The following ZC2HC1B variants were observed in gnomAD, a reference collection of about 807,000 sequenced individuals.
ZC2HC1B encodes the protein zinc finger C2HC-type containing 1B.
A neutral mutation model predicts 31.0 loss-of-function variants in ZC2HC1B; 36 were observed. The observed-to-expected ratio is 1.16, with a 90% CI of 0.89 to 1.54. The LOEUF is 1.54. ZC2HC1B is among the 40% of genes most tolerant of loss of function. The pLI is 0.00. For synonymous variants in ZC2HC1B, 73 were observed against 88.0 expected, an observed-to-expected ratio of 0.83 and a Z score of 0.95; for missense variants, 260 against 268.6, an observed-to-expected ratio of 0.97 and a Z score of 0.22.
At chr6:143,878,008 T>G (rs1179162418) in intron 1 of ZC2HC1B, among the ~76,000 whole-genome samples, 1 of 150,850 alleles carries the variant, frequency 6.6e-6, no homozygotes, top group Non-Finnish European at 1.5e-5. Flanking sequence ...TACATGTATA[T>G]GTAGACATGC....
chr6:143,866,194 CGTG>C (rs942145443), intron 1 of ZC2HC1B, among the ~76,000 whole-genome samples: 3 of 152,340 alleles, frequency 2.0e-5, no homozygotes, highest in South Asian at 2.1e-4. Context: ...CTCCTTGACT[CGTG>C]GTGGGATTAT....
In ZC2HC1B at chr6:143,907,844, C is replaced by A. The variant is rs1045738941; in HGVS notation, c.598+4692C>A. ...GCTTTTGGTGTCTTCATCATGAAATCTTTGCCCATGCCTATGTTCTGAATG... is the reference window on the plus strand; with the variant it reads ...GCTTTTGGTGTCTTCATCATGAAATATTTGCCCATGCCTATGTTCTGAATG... On this transcript the variant is annotated intron_variant, in intron 6 of 7. Transcript: ENST00000237275. Among the ~76,000 whole-genome samples, 3 of 152,300 alleles carry A rather than the reference C, an allele frequency of 2.0e-5. No homozygotes were observed. In the East Asian group the frequency reaches 5.8e-4, roughly 29 times the overall value.
chr6:143,881,348 C>T lies in ZC2HC1B; in HGVS notation c.29-2956C>T, dbSNP rs78534931. 4.3e-3 allele frequency among the ~76,000 whole-genome samples: 660 copies of T among 151,736 alleles called. 2 individuals are homozygous for T. Among genetic ancestry groups the T allele is most frequent in the Non-Finnish European group, 7.7e-3 (523 of 67,894 alleles). On this transcript the variant is annotated intron_variant, in intron 1 of 7. Coordinates refer to ENST00000237275, the MANE Select transcript of ZC2HC1B (RefSeq NM_001013623.3). Reference sequence around the variant, plus strand: ...GGAGGACTGCTTGAGCCCAAGAGTTCGAGACCAGTCTAAGCAATATAGTGA... The same window carrying T: ...GGAGGACTGCTTGAGCCCAAGAGTTTGAGACCAGTCTAAGCAATATAGTGA...
At chr6:143,875,370 CATTAAACCAAGAG>C (rs1777393990) in intron 1 of ZC2HC1B, among the ~76,000 whole-genome samples, 2 of 137,076 alleles carry the variant, frequency 1.5e-5, no homozygotes, top group Non-Finnish European at 3.3e-5. Flanking sequence ...CCTTCTTCTA[CATTAAACCAAGAG>C]AGATCAGGCA....
At chr6:143,866,176 C>T (rs115327758) in intron 1 of ZC2HC1B, among the ~76,000 whole-genome samples, 8,775 of 152,284 alleles carry the variant, frequency 0.058, 267 homozygotes, top group African/African-American at 0.086. Flanking sequence ...ATCATAGTAC[C>T]ACAGATGCTC....
At chr6:143,867,008 A>T (rs1237383390) in intron 1 of ZC2HC1B, among the ~76,000 whole-genome samples, 2 of 152,242 alleles carry the variant, frequency 1.3e-5, no homozygotes, top group Non-Finnish European at 2.9e-5. Context: ...CAACAAATAG[A>T]AAATACCGTG....
intron 1 of ZC2HC1B, among the ~76,000 whole-genome samples, chr6:143,882,437 T>G (rs1431590600): frequency 6.7e-6 from 1 of 148,540 alleles, no homozygotes; most frequent in Admixed American, 6.7e-5. Flanking sequence ...TGTGCTGTGA[T>G]GGATGGCCTG....
chr6:143,886,874 T>C lies in ZC2HC1B; in HGVS notation c.349+53T>C. On this transcript the variant is annotated intron_variant, in intron 4 of 7. Coordinates refer to ENST00000237275, the MANE Select transcript of ZC2HC1B (RefSeq NM_001013623.3). The surrounding 1 kb of genome is among the most constrained non-coding windows in gnomAD (Gnocchi z 4.2). ...AGGCTATGCTTGACTTTTGACCAAA[T>C]CATCATGCCCTCTATGCACTCTGAA... The C allele has an allele frequency of 1.4e-6, 2 of 1,430,180 alleles. No homozygotes were observed. The highest frequency in any genetic ancestry group is 5.9e-5 in the Admixed American group (2 of 33,870). The allele number at this position is 1,430,180 out of a possible 1,614,324, so 88.6% of individuals were successfully genotyped here. A position where few individuals can be genotyped will look rare whatever the true frequency, so the allele number is the denominator to read the frequency against.
At chr6:143,893,673 CA>C (rs1433697957) in intron 4 of ZC2HC1B, among the ~76,000 whole-genome samples, 1 of 152,064 alleles carries the variant, frequency 6.6e-6, no homozygotes, top group Non-Finnish European at 1.5e-5. Flanking sequence ...AACCATTTTG[CA>C]CTGGTATTTT....
rs1427014543 is a variant in ZC2HC1B, at chr6:143,913,283, A to G, written c.598+10131A>G. On this transcript the variant is annotated intron_variant, in intron 6 of 7. Transcript: ENST00000237275. This position sits in a 1 kb window ranked among gnomAD's most constrained non-coding sequence, Gnocchi z 5.7. ...TGATCTGGCAAAGCTGCTGTGTTGT[A>G]CTTCTAGGGAAACCCTTCCTTGTCT... Among the ~76,000 whole-genome samples, 1 of 152,126 alleles carries G rather than the reference A, an allele frequency of 6.6e-6. No homozygotes were observed. Among genetic ancestry groups the G allele is most frequent in the Non-Finnish European group, 1.5e-5 (1 of 68,018 alleles).
chr6:143,864,608 C>T, intron 1 of ZC2HC1B, 41 bp downstream of exon 1: 1 of 1,546,962 alleles, frequency 6.5e-7, no homozygotes, highest in Non-Finnish European at 8.8e-7. Flanking sequence ...AAAATGCCTT[C>T]ATCTGTAATC....
chr6:143,915,930 TG>T lies in ZC2HC1B; in HGVS notation c.598+12782del. ...CAATAGAAAAGAAAATCCCATTTTC[TG>T]GGGAGAAATTCAAACTGGCTGCAGA... is the stretch of plus-strand genomic sequence containing the variant. On this transcript the variant is annotated intron_variant, in intron 6 of 7. Transcript: ENST00000237275. This position sits in a 1 kb window ranked among gnomAD's most constrained non-coding sequence, Gnocchi z 5.2. 1.3e-5 allele frequency among the ~76,000 whole-genome samples: 2 copies of T among 152,352 alleles called. No individual in the cohort carries two copies. Among genetic ancestry groups the T allele is most frequent in the South Asian group, 4.1e-4 (2 of 4,828 alleles).
At chr6:143,877,295 T>TA (rs1391000625) in intron 1 of ZC2HC1B, among the ~76,000 whole-genome samples, 1 of 129,308 alleles carries the variant, frequency 7.7e-6, no homozygotes, top group Non-Finnish European at 1.7e-5. Context: ...TTTTTTTTTT[T>TA]TTTTGAGACA....
Position 143,898,564 on chromosome 6 carries a change from G to T in ZC2HC1B, c.362G>T (p.Arg121Leu). ...TCTTTACATTCAGATTATATTCAAC[G>T]TCCATATTGTATGAGAAGGTTTAAT... is the stretch of plus-strand genomic sequence containing the variant. ...PPSLNPDYIQ[R>L]PYCMRRFNES... The change falls in exon 5 of 8, where the codon CGT (arginine) becomes CTT (leucine). Residue 121 changes from arginine (R) to leucine (L), a missense_variant. Transcript: ENST00000237275. 6.4e-7 allele frequency: 1 copy of T among 1,551,624 alleles called. No homozygotes were observed. Among genetic ancestry groups the T allele is most frequent in the Non-Finnish European group, 8.7e-7 (1 of 1,146,944 alleles).
intron 1 of ZC2HC1B, among the ~76,000 whole-genome samples, chr6:143,875,876 A>G (rs1471183703): frequency 1.3e-5 from 2 of 150,638 alleles, no homozygotes; most frequent in Non-Finnish European, 3.0e-5. Flanking sequence ...CACGGGTCGG[A>G]GAAGGGATGT....
chr6:143,899,157 A>T lies in ZC2HC1B; in HGVS notation c.489+466A>T, dbSNP rs1777705824. On this transcript the variant is annotated intron_variant, in intron 5 of 7. Transcript: ENST00000237275. The surrounding 1 kb of genome is among the most constrained non-coding windows in gnomAD (Gnocchi z 5.0). ...ATCAGCAAGTTAAAGGGATATGTGG[A>T]TGAATGGAAGCAGCTGTTAACATTA... Among the ~76,000 whole-genome samples the T allele has an allele frequency of 6.6e-6, 1 of 152,214 alleles. No individual in the cohort carries two copies. The highest frequency in any genetic ancestry group is 1.5e-5 in the Non-Finnish European group (1 of 68,042).
At position 143,923,823 on chromosome 6, in the gene ZC2HC1B, C is replaced by A. The variant is rs1334262342; in HGVS notation, c.599-13826C>A. ...TTGGTTTATGTGTCTGTTTTTATACCAATATCTTGCTGTTTTAGTTACTAC... is the reference window on the plus strand; with the variant it reads ...TTGGTTTATGTGTCTGTTTTTATACAAATATCTTGCTGTTTTAGTTACTAC... On this transcript the variant is annotated intron_variant, in intron 6 of 7. Coordinates refer to ENST00000237275, the MANE Select transcript of ZC2HC1B (RefSeq NM_001013623.3). The surrounding 1 kb of genome is among the most constrained non-coding windows in gnomAD (Gnocchi z 4.8). 1.3e-5 allele frequency among the ~76,000 whole-genome samples: 2 copies of A among 151,938 alleles called. No individual in the cohort carries two copies. Among genetic ancestry groups the A allele is most frequent in the Non-Finnish European group, 2.9e-5 (2 of 67,946 alleles).
intron 4 of ZC2HC1B, among the ~76,000 whole-genome samples, chr6:143,897,417 C>T (rs1016733459): frequency 4.0e-5 from 6 of 151,410 alleles, no homozygotes; most frequent in African/African-American, 1.5e-4. Flanking sequence ...GCTCCACATT[C>T]TAAGAAGATC....
At chr6:143,912,654 A>AT (rs1415177173) in intron 6 of ZC2HC1B, among the ~76,000 whole-genome samples, 1 of 152,148 alleles carries the variant, frequency 6.6e-6, no homozygotes, top group Non-Finnish European at 1.5e-5. Context: ...GTACTGACCT[A>AT]TTGCTGGCCC....
Sources: allele counts gnomAD v4.1 joint callset (sites outside exome capture counted in the v4.1 genomes callset), GRCh38; gene constraint gnomAD v4.1.1; non-coding constraint Gnocchi (gnomAD v3.1); transcripts MANE v1.5; gene names NCBI Gene and HGNC (gene_info 2026-07-23, HGNC 2026-07-21).